The following ARHGAP21 variants were observed in gnomAD, a reference collection of about 807,000 sequenced individuals.
ARHGAP21 encodes the protein rho GTPase-activating protein 21.
ARHGAP21 carries 38 observed loss-of-function variants against 164.6 expected under a neutral mutation model. The ratio of observed to expected loss-of-function variants is 0.23; its 90% CI spans 0.18 to 0.30. The LOEUF (loss-of-function observed/expected upper bound fraction) is 0.30, where lower values mean the gene tolerates loss of function less well. ARHGAP21 is among the 10% of genes least tolerant of loss of function. The pLI is 1.00. For synonymous variants in ARHGAP21, 766 were observed against 857.9 expected, an observed-to-expected ratio of 0.89 and a Z score of 1.87; for missense variants, 1,822 against 2,370.7, an observed-to-expected ratio of 0.77 and a Z score of 4.81.
intron 2 of ARHGAP21, among the ~76,000 whole-genome samples, chr10:24,692,957 C>T (rs571421789): frequency 6.0e-4 from 91 of 151,356 alleles, no homozygotes; most frequent in Non-Finnish European, 1.2e-3. Flanking sequence ...GGATACATTT[C>T]AAAGATAATG....
intron 7 of ARHGAP21, among the ~76,000 whole-genome samples, chr10:24,624,872 T>G (rs567012862): frequency 1.3e-5 from 2 of 152,130 alleles, no homozygotes; most frequent in Admixed American, 6.5e-5. Flanking sequence ...TGACAAAACA[T>G]TTTTAGCCAT....
Position 24,607,820 on chromosome 10 carries a change from G to T in ARHGAP21, c.2506C>A (p.Pro836Thr). 6 of 1,614,110 alleles carry T rather than the reference G, an allele frequency of 3.7e-6. No individual in the cohort carries two copies. Among genetic ancestry groups the T allele is most frequent in the Non-Finnish European group, 4.2e-6 (5 of 1,180,012 alleles). Residue 836 changes from proline (P) to threonine (T), a missense_variant, in exon 10 of 26, where the codon CCC becomes ACC. Physicochemically the swap from Pro to Thr is conservative, Grantham distance 38. Transcript: ENST00000396432. ...AVISASTSQV[P>T]SIATVPPCLT... is the part of the protein sequence containing the mutation. ...CAAGGAGGAACTGTTGCTATGGAGGGGACCTGAGAGGTAGAGGCTGATATA... is the reference window on the plus strand; with the variant it reads ...CAAGGAGGAACTGTTGCTATGGAGGTGACCTGAGAGGTAGAGGCTGATATA...
intron 4 of ARHGAP21, among the ~76,000 whole-genome samples, chr10:24,640,786 A>AG (rs1565078359): frequency 6.6e-6 from 1 of 152,198 alleles, no homozygotes; most frequent in Non-Finnish European, 1.5e-5. Context: ...AGACTGCCAC[A>AG]GAAAAAAAAC....
chr10:24,654,874 A>G (rs924482822), intron 4 of ARHGAP21, among the ~76,000 whole-genome samples: 10 of 152,242 alleles, frequency 6.6e-5, no homozygotes, highest in Non-Finnish European at 1.2e-4. Context: ...AAACTATACT[A>G]CAAGGCTACA....
chr10:24,628,978 A>AT (rs1835542891), intron 7 of ARHGAP21: 3 of 14,288 alleles, frequency 2.1e-4, no homozygotes, highest in Admixed American at 9.6e-4. Context: ...ATATATATAT[A>AT]TATATTTTTT....
At position 24,620,127 on chromosome 10, in the gene ARHGAP21, G is replaced by T. The variant is rs1357681409; in HGVS notation, c.1768C>A (p.Leu590Ile). Reference protein sequence around the residue: ...VSQFKKIPPDLKTLQSNRNFQ... With the variant: ...VSQFKKIPPDIKTLQSNRNFQ... Reference sequence around the variant, plus strand: ...TTTCTGTTTGACTGCAATGTTTTTAGATCTGGTGGAATTTTTTTAAACTGC... The same window carrying T: ...TTTCTGTTTGACTGCAATGTTTTTATATCTGGTGGAATTTTTTTAAACTGC... The change falls in exon 9 of 26, where the codon CTA (leucine) becomes ATA (isoleucine). Residue 590 changes from leucine to isoleucine, a missense_variant. Physicochemically the swap from Leu to Ile is conservative, Grantham distance 5. Coordinates refer to ENST00000396432, the MANE Select transcript of ARHGAP21 (RefSeq NM_020824.4). The T allele has an allele frequency of 6.2e-7, 1 of 1,613,828 alleles. No individual in the cohort carries two copies. Among genetic ancestry groups the T allele is most frequent in the Non-Finnish European group, 8.5e-7 (1 of 1,179,872 alleles).
At chr10:24,688,189 G>A (rs780607037) in intron 2 of ARHGAP21, among the ~76,000 whole-genome samples, 2 of 152,260 alleles carry the variant, frequency 1.3e-5, no homozygotes, top group African/African-American at 2.4e-5. Flanking sequence ...TCAGAAGTTC[G>A]AGGCCAGCCT....
chr10:24,592,515 G>GA (rs201063784), intron 21 of ARHGAP21, among the ~76,000 whole-genome samples: 11 of 150,278 alleles, frequency 7.3e-5, no homozygotes, highest in African/African-American at 1.5e-4. Context: ...AAAATCAAAG[G>GA]AAAAAAAAAC....
intron 21 of ARHGAP21, 144 bp from the exon 22 acceptor site, chr10:24,592,156 ATTTTTTTTTTT>A (rs57846258): frequency 7.5e-5 from 16 of 213,700 alleles, no homozygotes; most frequent in South Asian, 1.1e-4. Flanking sequence ...TTCTAGCAAG[ATTTTTTTTTTT>A]TTTTTTTTTT....
Position 24,595,152 on chromosome 10 carries a change from C to T in ARHGAP21, c.3751G>A (p.Asp1251Asn), listed in dbSNP as rs958991304. The T allele has an allele frequency of 1.2e-6, 2 of 1,611,692 alleles. No homozygotes were observed. Among genetic ancestry groups the T allele is most frequent in the South Asian group, 2.2e-5 (2 of 90,538 alleles). Reference protein sequence around the residue: ...ADFIEANRKEDPLDRLKTLKR... With the variant: ...ADFIEANRKENPLDRLKTLKR... ...AATGTTTTCAGACGATCTAGAGGATCTTCTTTACGATTGGCTTCAATAAAA... is the reference window on the plus strand; with the variant it reads ...AATGTTTTCAGACGATCTAGAGGATTTTCTTTACGATTGGCTTCAATAAAA... The change falls in exon 20 of 26, where the codon GAT becomes AAT. Residue 1251 changes from aspartate to asparagine, a missense_variant. Physicochemically the swap from Asp to Asn is conservative, Grantham distance 23 (BLOSUM62 1). Transcript: ENST00000396432.
At chr10:24,663,776 G>A (rs1593216902) in intron 4 of ARHGAP21, among the ~76,000 whole-genome samples, 2 of 152,220 alleles carry the variant, frequency 1.3e-5, no homozygotes, top group South Asian at 2.1e-4. Context: ...TGATCTGCCC[G>A]CCTCAGCCTT....
At chr10:24,626,557 C>G (rs75563806) in intron 7 of ARHGAP21, among the ~76,000 whole-genome samples, 3 of 152,106 alleles carry the variant, frequency 2.0e-5, no homozygotes, top group African/African-American at 7.2e-5. Flanking sequence ...CCTTGGGCTT[C>G]CCAGCCTCCA....
At chr10:24,643,950 T>C (rs1354742710) in intron 4 of ARHGAP21, among the ~76,000 whole-genome samples, 2 of 152,156 alleles carry the variant, frequency 1.3e-5, no homozygotes, top group Non-Finnish European at 1.5e-5. Flanking sequence ...CTTCAAGCGA[T>C]CCTCCTGCCT....
At chr10:24,716,896 CA>C (rs1380568049) in intron 2 of ARHGAP21, among the ~76,000 whole-genome samples, 7 of 152,200 alleles carry the variant, frequency 4.6e-5, no homozygotes, top group Non-Finnish European at 8.8e-5. Context: ...GAAGGTGGGC[CA>C]GGGGAATGGA....
At chr10:24,665,177 A>G (rs552179681) in intron 4 of ARHGAP21, among the ~76,000 whole-genome samples, 104 of 152,242 alleles carry the variant, frequency 6.8e-4, no homozygotes, top group Admixed American at 2.3e-3. Flanking sequence ...AACCCATGCC[A>G]AGTAGCATTT....
intron 2 of ARHGAP21, among the ~76,000 whole-genome samples, chr10:24,678,524 A>C (rs1312765169): frequency 6.6e-6 from 1 of 151,944 alleles, no homozygotes; most frequent in Non-Finnish European, 1.5e-5. Flanking sequence ...TTATTTTGAG[A>C]CAGTCTTGCT....
rs939538042 is a variant in ARHGAP21, at chr10:24,712,798, G to T, written c.63+9039C>A. Among the ~76,000 whole-genome samples the T allele has an allele frequency of 2.0e-5, 3 of 152,222 alleles. No homozygotes were observed. In the East Asian group the frequency reaches 5.8e-4, roughly 29 times the overall value. On this transcript the variant is annotated intron_variant, in intron 2 of 25. Coordinates refer to ENST00000396432, the MANE Select transcript of ARHGAP21 (RefSeq NM_020824.4). ...TAGAATAACAATCTGATATGAACGG[G>T]GTGCCCAGAGCCTTTCCTTCCCCTC...
At chr10:24,587,130 T>C (rs1419271766) in intron 25 of ARHGAP21, among the ~76,000 whole-genome samples, 2 of 152,136 alleles carry the variant, frequency 1.3e-5, no homozygotes, top group Non-Finnish European at 2.9e-5. Flanking sequence ...GGAAAGTTAT[T>C]TGCTATGTAT....
At chr10:24,672,577 T>C (rs57967721) in intron 2 of ARHGAP21, among the ~76,000 whole-genome samples, 2,134 of 152,334 alleles carry the variant, frequency 0.014, 45 homozygotes, top group African/African-American at 0.049. Flanking sequence ...AAACTTAACA[T>C]GTCTGCATAG....
Sources: gnomAD v4.1 joint callset for allele counts (sites outside exome capture counted in the v4.1 genomes callset) on GRCh38, gnomAD v4.1.1 for gene constraint, MANE v1.5 for transcripts, NCBI Gene and HGNC (gene_info 2026-07-23, HGNC 2026-07-21) for gene names.